The following FAM222A variants were observed in gnomAD, a reference collection of about 807,000 sequenced individuals.
FAM222A encodes the protein protein FAM222A.
FAM222A carries 7 observed loss-of-function variants against 25.8 expected under a neutral mutation model. The observed-to-expected ratio is 0.27, with a 90% CI of 0.15 to 0.51. The LOEUF is 0.51. Ranked by LOEUF, FAM222A falls within the 20% of genes least tolerant of loss-of-function variation. The pLI, the probability that FAM222A is intolerant of heterozygous loss-of-function variation, is 0.97. For missense variants in FAM222A, 573 were observed against 640.5 expected, an observed-to-expected ratio of 0.89 and a Z score of 1.14; for synonymous variants, 294 against 298.8, an observed-to-expected ratio of 0.98 and a Z score of 0.17.
At chr12:109,726,847 T>A (rs962775426) in intron 1 of FAM222A, among the ~76,000 whole-genome samples, 2 of 152,120 alleles carry the variant, frequency 1.3e-5, no homozygotes, top group Non-Finnish European at 2.9e-5. Flanking sequence ...CCATCCGCCC[T>A]TGCCTTGCAC....
chr12:109,742,295 G>A (rs1423236898), intron 1 of FAM222A: 1 of 152,318 alleles, frequency 6.6e-6, no homozygotes, highest in African/African-American at 2.4e-5. Flanking sequence ...TGGTGTCCAA[G>A]GCTGTGGTGA....
intron 1 of FAM222A, among the ~76,000 whole-genome samples, chr12:109,737,476 C>T (rs1364365160): frequency 6.6e-6 from 1 of 151,826 alleles, no homozygotes; most frequent in Non-Finnish European, 1.5e-5. Flanking sequence ...AGATTTGCAG[C>T]ATTTTAGAGA....
chr12:109,758,143 T>A (rs977366536), intron 2 of FAM222A, among the ~76,000 whole-genome samples: 1 of 152,152 alleles, frequency 6.6e-6, no homozygotes, highest in Non-Finnish European at 1.5e-5. Context: ...CACCTGACTG[T>A]CTTTGTATGT....
At chr12:109,744,915 A>C in intron 2 of FAM222A, 3 of 431,642 alleles carry the variant, frequency 7.0e-6, no homozygotes, top group Non-Finnish European at 9.3e-6. Context: ...CCTCTTTTAA[A>C]GGGATGTCTG....
intron 2 of FAM222A, among the ~76,000 whole-genome samples, chr12:109,759,393 TCC>T (rs1888825258): frequency 6.6e-6 from 1 of 151,990 alleles, no homozygotes; most frequent in Non-Finnish European, 1.5e-5. Flanking sequence ...TCCCCGCTGC[TCC>T]ATGGTCCCTC....
Position 109,714,223 on chromosome 12 carries a change from G to T in FAM222A, c.-721G>T. On this transcript the variant is annotated 5_prime_UTR_variant, in exon 1 of 3. Transcript: ENST00000538780. The surrounding 1 kb of genome is among the most constrained non-coding windows in gnomAD (Gnocchi z 4.2). ...CGCTGCCGCCGCCGCCGCCGCTGCC[G>T]CCGCCGCTGTTCGCCGGCTTCCCCT... is the stretch of plus-strand genomic sequence containing the variant. 4.9e-6 allele frequency: 1 copy of T among 204,768 alleles called. No individual in the cohort carries two copies. Among genetic ancestry groups the T allele is most frequent in the Non-Finnish European group, 9.8e-6 (1 of 101,678 alleles). The allele number at this position is 204,768 out of a possible 1,614,324, so 12.7% of individuals were successfully genotyped here.
At chr12:109,721,395 A>G (rs2136317631) in intron 1 of FAM222A, among the ~76,000 whole-genome samples, 1 of 152,258 alleles carries the variant, frequency 6.6e-6, no homozygotes, top group African/African-American at 2.4e-5. Flanking sequence ...GTCCTTCATA[A>G]ATGTCAAGGA....
chr12:109,768,577 A>AC lies in FAM222A; in HGVS notation c.653dup (p.Ala219CysfsTer40). 2 of 1,599,898 alleles carry AC rather than the reference A, an allele frequency of 1.3e-6. No homozygotes were observed. Among genetic ancestry groups the AC allele is most frequent in the Non-Finnish European group, 1.7e-6 (2 of 1,175,260 alleles). ...AGCAGTGCCAGGCCCCGGGCGCCGC[A>AC]CCCCCTGCCTGCCAGGGCATGGCTA... On this transcript the variant is annotated frameshift_variant, in exon 3 of 3. Coordinates refer to ENST00000538780, the MANE Select transcript of FAM222A (RefSeq NM_032829.3). LOFTEE classifies it high-confidence loss of function.
chr12:109,755,284 CTTCTTTTTTTTTTTTTTTTT>C (rs1565844622), intron 2 of FAM222A, among the ~76,000 whole-genome samples: 19 of 68,012 alleles, frequency 2.8e-4, no homozygotes, highest in African/African-American at 1.1e-3. Context: ...GTCTGTAATT[CTTCTTTTTTTTTTTTTTTTT>C]TTTTTTTTTT....
At chr12:109,761,810 G>A (rs568799560) in intron 2 of FAM222A, among the ~76,000 whole-genome samples, 42 of 152,170 alleles carry the variant, frequency 2.8e-4, no homozygotes, top group Admixed American at 1.5e-3. Flanking sequence ...CTGGGGGGTC[G>A]TAGGAAGACC....
Position 109,768,918 on chromosome 12 carries a change from A to T in FAM222A, c.989A>T (p.Asn330Ile). The change falls in exon 3 of 3, where the codon AAC (asparagine) becomes ATC (isoleucine). Residue 330 changes from asparagine to isoleucine, a missense_variant. Coordinates refer to ENST00000538780, the MANE Select transcript of FAM222A (RefSeq NM_032829.3). ...AYERASGSPLNCGVGLPTSFT... is the reference protein window; with the variant it reads ...AYERASGSPLICGVGLPTSFT... ...GAGCGGGCCAGCGGGTCACCCCTCA[A>T]CTGTGGCGTGGGGCTGCCCACCAGC... 6.3e-7 allele frequency: 1 copy of T among 1,581,018 alleles called. No individual in the cohort carries two copies. The highest frequency in any genetic ancestry group is 2.3e-5 in the East Asian group (1 of 43,486).
At chr12:109,719,426 G>C (rs933124276) in intron 1 of FAM222A, among the ~76,000 whole-genome samples, 2 of 152,186 alleles carry the variant, frequency 1.3e-5, no homozygotes, top group African/African-American at 4.8e-5. Flanking sequence ...GTAAAACCAG[G>C]CTTTAGGTAA....
chr12:109,756,462 G>C (rs1021098080), intron 2 of FAM222A, among the ~76,000 whole-genome samples: 2 of 145,772 alleles, frequency 1.4e-5, no homozygotes, highest in African/African-American at 5.1e-5. Context: ...GGAGTGGAAA[G>C]ATACTTTGTC....
At chr12:109,736,422 G>A (rs909257584) in intron 1 of FAM222A, among the ~76,000 whole-genome samples, 1 of 152,238 alleles carries the variant, frequency 6.6e-6, no homozygotes, top group Admixed American at 6.5e-5. Context: ...GCTCAGAGAG[G>A]AGGGAGGGAT....
intron 1 of FAM222A, 35 bp from the exon 2 acceptor site, chr12:109,744,066 C>T: frequency 6.4e-7 from 1 of 1,550,768 alleles, no homozygotes; most frequent in Non-Finnish European, 8.7e-7. Context: ...CGGAGCAGCC[C>T]CCAAGTGACA....
At chr12:109,720,184 T>C (rs1389955564) in intron 1 of FAM222A, 46 of 985,322 alleles carry the variant, frequency 4.7e-5, no homozygotes, top group Non-Finnish European at 4.8e-5. Flanking sequence ...CAGCAGCTGT[T>C]TGGGGCCCTG....
intron 1 of FAM222A, among the ~76,000 whole-genome samples, chr12:109,742,358 C>G (rs1419052373): frequency 6.6e-6 from 1 of 152,248 alleles, no homozygotes; most frequent in Admixed American, 6.5e-5. Flanking sequence ...TCCAAGTCCC[C>G]GAGGAGAGGA....
intron 2 of FAM222A, among the ~76,000 whole-genome samples, chr12:109,749,380 A>G (rs1451838651): frequency 6.6e-6 from 1 of 152,182 alleles, no homozygotes; most frequent in African/African-American, 2.4e-5. Flanking sequence ...TACTGGGATT[A>G]TGGGTGTGAG....
Position 109,758,942 on chromosome 12 carries a change from G to A in FAM222A, c.83-9070G>A, listed in dbSNP as rs112276518. Among the ~76,000 whole-genome samples, 1,128 of 152,310 alleles carry A rather than the reference G, an allele frequency of 7.4e-3. 8 individuals are homozygous for A. Among genetic ancestry groups the A allele is most frequent in the Non-Finnish European group, 0.011 (765 of 68,024 alleles). ...GCGTGCAACGGCTTGAGAAAGAAAC[G>A]ACACTGGGTGAACACCTACTGTGTG... On this transcript the variant is annotated intron_variant, in intron 2 of 2. Coordinates refer to ENST00000538780, the MANE Select transcript of FAM222A (RefSeq NM_032829.3).
Sources: allele counts gnomAD v4.1 joint callset (sites outside exome capture counted in the v4.1 genomes callset), GRCh38; gene constraint gnomAD v4.1.1; non-coding constraint Gnocchi (gnomAD v3.1); transcripts MANE v1.5; gene names NCBI Gene and HGNC (gene_info 2026-07-23, HGNC 2026-07-21).